Variants in DSCAML1 observed in about 807,000 individuals in gnomAD.
DSCAML1 encodes DS cell adhesion molecule like 1.
In DSCAML1, 38 loss-of-function variants were observed where a neutral mutation model predicts 200.5. The observed-to-expected ratio is 0.19, with a 90% CI of 0.15 to 0.25. The LOEUF is 0.25. DSCAML1 is among the 10% of genes least tolerant of loss of function. The pLI, the probability that DSCAML1 is intolerant of heterozygous loss-of-function variation, is 1.00. For missense variants in DSCAML1, 2,223 were observed against 2,858.8 expected (o/e 0.78, Z 5.07); for synonymous variants, 1,215 against 1,165.0 (o/e 1.04, Z -0.87).
rs770109022 is a variant in DSCAML1, at chr11:117,524,993, G to C, written c.749C>G (p.Ser250Trp). The change falls in exon 5 of 33, where the codon TCG becomes TGG. Residue 250 changes from serine (S) to tryptophan (W), a missense_variant. By Grantham distance (177) the Ser-to-Trp change is radical. Around this residue, in one of 7 missense-constraint regions of DSCAML1, gnomAD observed 579 missense variants for 721.5 expected, o/e 0.80. Coordinates refer to ENST00000651296, the MANE Select transcript of DSCAML1 (RefSeq NM_020693.4). ...GCGGATGGCGGGGATAGGGTAGCCC[G>C]AGGCGGTGCAGGGCAGCTCCACGGT... The part of the protein sequence containing the change: ...GHTVELPCTA[S>W]GYPIPAIRWL... 2.5e-6 allele frequency: 4 copies of C among 1,611,566 alleles called. No homozygotes were observed. Among genetic ancestry groups the C allele is most frequent in the Non-Finnish European group, 3.4e-6 (4 of 1,179,258 alleles).
At chr11:117,507,391 A>C (rs1035078186) in intron 8 of DSCAML1, among the ~76,000 whole-genome samples, 1 of 152,178 alleles carries the variant, frequency 6.6e-6, no homozygotes, top group Non-Finnish European at 1.5e-5. Context: ...CATCAGATGC[A>C]TGGCCCTCCG....
rs761444189 is a variant in DSCAML1 at position 117,797,020 on chromosome 11, C to G, written c.46+14G>C. On this transcript the variant is annotated intron_variant, in intron 1 of 32. Coordinates refer to ENST00000651296, the MANE Select transcript of DSCAML1 (RefSeq NM_020693.4). The stretch of plus-strand genomic sequence containing the variant: ...CCGCCGCCTCCGCCGCCCAGCCGCC[C>G]GCGCAGGTCTCACCTTTGTGTAAAG... 1 of 1,438,048 alleles carries G rather than the reference C, an allele frequency of 7.0e-7. No homozygotes were observed. Among genetic ancestry groups the G allele is most frequent in the South Asian group, 1.7e-5 (1 of 60,262 alleles). The allele number at this position is 1,438,048 out of a possible 1,614,324, so 89.1% of individuals were successfully genotyped here.
intron 3 of DSCAML1, among the ~76,000 whole-genome samples, chr11:117,758,185 C>A (rs549917369): frequency 1.7e-3 from 255 of 151,642 alleles, no homozygotes; most frequent in African/African-American, 5.7e-3. Flanking sequence ...CCTATAATCC[C>A]AGCTAGTCGG....
chr11:117,575,608 G>A (rs893117530), intron 3 of DSCAML1, among the ~76,000 whole-genome samples: 60 of 152,292 alleles, frequency 3.9e-4, no homozygotes, highest in Non-Finnish European at 7.2e-4. Context: ...CTAAGATGTT[G>A]TAAGTCAGGG....
intron 3 of DSCAML1, among the ~76,000 whole-genome samples, chr11:117,720,664 C>A (rs1302539772): frequency 6.6e-6 from 1 of 152,242 alleles, no homozygotes; most frequent in Non-Finnish European, 1.5e-5. Context: ...CTTGAGTCAG[C>A]CAGACCTGGA....
Position 117,780,299 on chromosome 11 carries a change from A to AGAAAGACAGAAAGAAG in DSCAML1, c.364+193_364+194insCTTCTTTCTGTCTTTC, listed in dbSNP as rs1837423705. ...AAGAAAGAAAGAAAGAAAGAAAGAA[A>AGAAAGACAGAAAGAAG]GAAAGAGAGAAAGGAGAAAGAAAGG... On this transcript the variant is annotated intron_variant, in intron 2 of 32. Transcript: ENST00000651296. The surrounding 1 kb of genome is among the most constrained non-coding windows in gnomAD (Gnocchi z 4.8). 1.8e-5 allele frequency among the ~76,000 whole-genome samples: 2 copies of AGAAAGACAGAAAGAAG among 113,314 alleles called. No individual in the cohort carries two copies. The highest frequency in any genetic ancestry group is 6.0e-5 in the African/African-American group (2 of 33,094). 74.3% of individuals were successfully genotyped at this position (113,314 alleles called of 152,430 possible). A position where few individuals can be genotyped will look rare whatever the true frequency, so the allele number is the denominator to read the frequency against.
In DSCAML1 at chr11:117,428,491, C is replaced by G; in HGVS notation, c.5999G>C (p.Ser2000Thr). The change falls in exon 33 of 33, where the codon AGC (serine) becomes ACC (threonine). Residue 2000 changes from serine to threonine, a missense_variant. By Grantham distance (58) the Ser-to-Thr change is moderately conservative. This residue lies in a region of DSCAML1 where 280 missense variants were observed against 213.4 expected (regional missense o/e 1.31). Coordinates refer to ENST00000651296, the MANE Select transcript of DSCAML1 (RefSeq NM_020693.4). Reference sequence around the variant, plus strand: ...GGTGCTGGGGGCCGGAGGGGCAGCGCTGGGGGCGGTGGGTGGCTCAGCAGG... The same window carrying G: ...GGTGCTGGGGGCCGGAGGGGCAGCGGTGGGGGCGGTGGGTGGCTCAGCAGG... ...PTPAEPPTAP[S>T]AAPPAPSTEP... The G allele has an allele frequency of 6.9e-7, 1 of 1,453,218 alleles. No homozygotes were observed. The highest frequency in any genetic ancestry group is 2.5e-5 in the East Asian group (1 of 40,266). 90.0% of individuals were successfully genotyped at this position (1,453,218 alleles called of 1,614,324 possible). A position where few individuals can be genotyped will look rare whatever the true frequency, so the allele number is the denominator to read the frequency against.
intron 3 of DSCAML1, among the ~76,000 whole-genome samples, chr11:117,568,252 C>A (rs1425732397): frequency 6.6e-6 from 1 of 152,138 alleles, no homozygotes; most frequent in Non-Finnish European, 1.5e-5. Context: ...CTATGACAAA[C>A]CCACAGCCAA....
intron 3 of DSCAML1, among the ~76,000 whole-genome samples, chr11:117,742,765 C>T (rs1026643485): frequency 3.3e-5 from 5 of 152,174 alleles, no homozygotes; most frequent in East Asian, 1.9e-4. Context: ...TCAACATACT[C>T]GAATCAGAGA....
intron 1 of DSCAML1, among the ~76,000 whole-genome samples, chr11:117,791,392 C>T (rs1275605514): frequency 6.6e-6 from 1 of 152,206 alleles, no homozygotes; most frequent in East Asian, 1.9e-4. Context: ...GGCTCCCTCG[C>T]TTTGTGAGGA....
At chr11:117,473,244 C>A (rs2048721797) in intron 14 of DSCAML1, among the ~76,000 whole-genome samples, 2 of 152,146 alleles carry the variant, frequency 1.3e-5, no homozygotes, top group Admixed American at 1.3e-4. Flanking sequence ...TGCCTGTAAT[C>A]CCAGCACTTT....
chr11:117,700,486 G>A (rs866265396), intron 3 of DSCAML1, among the ~76,000 whole-genome samples: 6 of 152,124 alleles, frequency 3.9e-5, no homozygotes, highest in African/African-American at 4.8e-5. Context: ...CAGCCAGTTC[G>A]AACCCACATC....
chr11:117,702,321 G>A (rs998020684), intron 3 of DSCAML1, among the ~76,000 whole-genome samples: 4 of 152,052 alleles, frequency 2.6e-5, no homozygotes, highest in Admixed American at 2.6e-4. Flanking sequence ...TCCATCCACT[G>A]CCCCTGGGGG....
At chr11:117,679,050 G>A (rs529120188) in intron 3 of DSCAML1, among the ~76,000 whole-genome samples, 4 of 152,372 alleles carry the variant, frequency 2.6e-5, no homozygotes, top group Admixed American at 6.5e-5. Flanking sequence ...CGGCCTCATT[G>A]CCTTCCGCTG....
chr11:117,500,976 T>C (rs2049382445), intron 11 of DSCAML1, among the ~76,000 whole-genome samples: 2 of 152,150 alleles, frequency 1.3e-5, no homozygotes, highest in South Asian at 2.1e-4. Flanking sequence ...AAACCTTGAA[T>C]TGGCTTTGCA....
chr11:117,640,127 CCAGCT>C (rs1336905633), intron 3 of DSCAML1, among the ~76,000 whole-genome samples: 1 of 152,192 alleles, frequency 6.6e-6, no homozygotes, highest in Admixed American at 6.5e-5. Flanking sequence ...CAGCAAAGCC[CCAGCT>C]CAGGTCTCAG....
chr11:117,479,604 C>T (rs1169872171), intron 14 of DSCAML1, among the ~76,000 whole-genome samples: 2 of 152,104 alleles, frequency 1.3e-5, no homozygotes, highest in African/African-American at 2.4e-5. Context: ...GCGGGGCGGC[C>T]GCACAGCAGC....
chr11:117,798,703 A>T (rs4528371), upstream of DSCAML1, among the ~76,000 whole-genome samples: 33,226 of 152,044 alleles, frequency 0.22, 3,803 homozygotes, highest in Middle Eastern at 0.3. Flanking sequence ...GTGAGATCAT[A>T]AAGTATGTAT....
chr11:117,619,759 T>C (rs551909224), intron 3 of DSCAML1, among the ~76,000 whole-genome samples: 1 of 152,316 alleles, frequency 6.6e-6, no homozygotes, highest in East Asian at 1.9e-4. Context: ...AGATTATAGA[T>C]ACATCTTTCT....
Sources: allele counts gnomAD v4.1 joint callset (sites outside exome capture counted in the v4.1 genomes callset), GRCh38; gene constraint gnomAD v4.1.1; regional missense constraint gnomAD v4.1.1; non-coding constraint Gnocchi (gnomAD v3.1); transcripts MANE v1.5; gene names NCBI Gene and HGNC (gene_info 2026-07-23, HGNC 2026-07-21).